The following CERK variants were observed in gnomAD, a reference collection of about 807,000 sequenced individuals.
CERK encodes acylsphingosine kinase.
In CERK, 39 loss-of-function variants were observed where a neutral mutation model predicts 63.4. The ratio of observed to expected loss-of-function variants is 0.61; its 90% confidence interval spans 0.48 to 0.80. The LOEUF (loss-of-function observed/expected upper bound fraction) is 0.80, where lower values mean the gene tolerates loss of function less well. CERK is among the 30% of genes least tolerant of loss of function. The pLI is 0.00. For synonymous variants in CERK, 302 were observed against 280.0 expected, an observed-to-expected ratio of 1.08 and a Z score of -0.78; for missense variants, 670 against 714.1, an observed-to-expected ratio of 0.94 and a Z score of 0.70.
At chr22:46,709,694 AAAC>A (rs1326961173) in intron 5 of CERK, among the ~76,000 whole-genome samples, 1 of 152,244 alleles carries the variant, frequency 6.6e-6, no homozygotes, top group Non-Finnish European at 1.5e-5. Flanking sequence ...AGAGAGAAGA[AAAC>A]AAAAAGCCAA....
intron 3 of CERK, among the ~76,000 whole-genome samples, chr22:46,717,301 G>A (rs2082871204): frequency 6.6e-6 from 1 of 152,194 alleles, no homozygotes; most frequent in Non-Finnish European, 1.5e-5. Flanking sequence ...GAGAAATGCA[G>A]ACGGGTGCAA....
At chr22:46,715,305 G>C (rs187010516) in intron 3 of CERK, among the ~76,000 whole-genome samples, 21 of 152,204 alleles carry the variant, frequency 1.4e-4, no homozygotes, top group Admixed American at 1.3e-3. Flanking sequence ...AAACACAACT[G>C]TTATTATGCA....
rs527824673 is a variant in CERK, at chr22:46,701,505, G to A, written c.790+131C>T. 57 of 718,326 alleles carry A rather than the reference G, an allele frequency of 7.9e-5. No homozygotes were observed. In the African/African-American group the frequency reaches 8.5e-4, roughly 11 times the overall value. 44.5% of individuals were successfully genotyped at this position (718,326 alleles called of 1,614,324 possible). ...ATCACAGCGCAGCGAGCAGAGCAGG[G>A]GACACAGCGTGACCCACGGCCAGGA... is the stretch of plus-strand genomic sequence containing the variant. On this transcript the variant is annotated intron_variant, in intron 7 of 12. Transcript: ENST00000216264.
chr22:46,720,067 A>C lies in CERK; in HGVS notation c.379+19T>G. On this transcript the variant is annotated intron_variant, in intron 3 of 12. Coordinates refer to ENST00000216264, the MANE Select transcript of CERK (RefSeq NM_022766.6). ...TGCCACCACGGCCATCCTGTCTCTC[A>C]GTCCAAACACACACGTACTCAGCTT... is the stretch of plus-strand genomic sequence containing the variant. The C allele has an allele frequency of 6.2e-7, 1 of 1,609,326 alleles. No individual in the cohort carries two copies. Among genetic ancestry groups the C allele is most frequent in the Non-Finnish European group, 8.5e-7 (1 of 1,177,256 alleles).
At chr22:46,729,675 T>C (rs965303961) in intron 1 of CERK, among the ~76,000 whole-genome samples, 9 of 151,974 alleles carry the variant, frequency 5.9e-5, no homozygotes, top group African/African-American at 2.2e-4. Flanking sequence ...ATGTTAACGT[T>C]CTCAAGGGAA....
chr22:46,702,725 G>A (rs2082793555), intron 6 of CERK, among the ~76,000 whole-genome samples: 1 of 152,238 alleles, frequency 6.6e-6, no homozygotes, highest in African/African-American at 2.4e-5. Context: ...GGGGCCGGCT[G>A]CGGCTTATGC....
chr22:46,731,353 C>G (rs533142967), intron 1 of CERK, among the ~76,000 whole-genome samples: 1 of 152,342 alleles, frequency 6.6e-6, no homozygotes, highest in South Asian at 2.1e-4. Flanking sequence ...CCTCCACCCC[C>G]CGCCAAGGTG....
At chr22:46,709,458 G>A (rs753936383) in intron 5 of CERK, among the ~76,000 whole-genome samples, 4 of 152,178 alleles carry the variant, frequency 2.6e-5, no homozygotes, top group Non-Finnish European at 1.5e-5. Flanking sequence ...GGAGCCCCCT[G>A]CTTCCTGGAG....
Position 46,687,244 on chromosome 22 carries a change from C to G in CERK, c.1542-38G>C. Reference sequence around the variant, plus strand: ...GCGGCCACGTGTAAACCCCACGTGTCCCTCACTCAAAGCTGGCCTGAGCCC... The same window carrying G: ...GCGGCCACGTGTAAACCCCACGTGTGCCTCACTCAAAGCTGGCCTGAGCCC... On this transcript the variant is annotated intron_variant, in intron 12 of 12. Coordinates refer to ENST00000216264, the MANE Select transcript of CERK (RefSeq NM_022766.6). The G allele has an allele frequency of 1.9e-6, 3 of 1,575,518 alleles. No homozygotes were observed. In the South Asian group the frequency reaches 3.3e-5, roughly 17 times the overall value.
chr22:46,721,083 T>G lies in CERK; in HGVS notation c.143-68A>C, dbSNP rs999507470. 30 of 971,942 alleles carry G rather than the reference T, an allele frequency of 3.1e-5. No homozygotes were observed. The South Asian group carries it at 3.9e-4, about 13-fold the overall frequency. The allele number at this position is 971,942 out of a possible 1,614,324, so 60.2% of individuals were successfully genotyped here. A position where few individuals can be genotyped will look rare whatever the true frequency, so the allele number is the denominator to read the frequency against. ...TCCACACAGGTAAAATCAGTCCAAC[T>G]CCAAGAAGCTGAGAATATTCTGCTT... On this transcript the variant is annotated intron_variant, in intron 1 of 12. Transcript: ENST00000216264.
At chr22:46,689,158 T>A (rs887268762) in intron 12 of CERK, among the ~76,000 whole-genome samples, 9 of 152,280 alleles carry the variant, frequency 5.9e-5, no homozygotes, top group African/African-American at 2.2e-4. Context: ...CCTCCCCGCG[T>A]CCCCTAGGCT....
At position 46,687,050 on chromosome 22, in the gene CERK, T is replaced by A. The variant is rs1336544885; in HGVS notation, c.*84A>T. ...TCAAAAATAAATTTCTACATTTAAA[T>A]GTATATATCAACATAATTGGTCTGT... On this transcript the variant is annotated 3_prime_UTR_variant, in exon 13 of 13. Coordinates refer to ENST00000216264, the MANE Select transcript of CERK (RefSeq NM_022766.6). The A allele has an allele frequency of 1.9e-6, 2 of 1,039,160 alleles. No homozygotes were observed. The highest frequency in any genetic ancestry group is 2.9e-6 in the Non-Finnish European group (2 of 691,340). The allele number at this position is 1,039,160 out of a possible 1,614,324, so 64.4% of individuals were successfully genotyped here.
chr22:46,737,345 C>A (rs1013261905), intron 1 of CERK, among the ~76,000 whole-genome samples: 2 of 151,718 alleles, frequency 1.3e-5, no homozygotes, highest in African/African-American at 4.9e-5. Flanking sequence ...CAAAAACAAA[C>A]CCTCTGTCCT....
At chr22:46,687,343 CAG>C (rs1479077823) in intron 12 of CERK, 137 bp from the exon 13 acceptor site, 8 of 659,038 alleles carry the variant, frequency 1.2e-5, no homozygotes, top group East Asian at 5.6e-5. Context: ...CGCTCTTGGA[CAG>C]GGGCTGAAGT....
intron 3 of CERK, among the ~76,000 whole-genome samples, chr22:46,713,527 AAACAAACAAAC>A (rs2082853217): frequency 6.9e-6 from 1 of 145,558 alleles, no homozygotes; most frequent in East Asian, 2.1e-4. Context: ...AAAAAAAAAA[AAACAAACAAAC>A]AAAAAAACAC....
chr22:46,687,235 C>T (rs1412035264), intron 12 of CERK, 29 bp from the exon 13 acceptor site: 1 of 1,586,330 alleles, frequency 6.3e-7, no homozygotes, highest in East Asian at 2.2e-5. Flanking sequence ...ACGTGTAAAC[C>T]CCACGTGTCC....
Position 46,738,159 on chromosome 22 carries a change from G to C in CERK, c.-11C>G, listed in dbSNP as rs1268311653. 27 of 1,170,188 alleles carry C rather than the reference G, an allele frequency of 2.3e-5. No individual in the cohort carries two copies. The highest frequency in any genetic ancestry group is 4.5e-5 in the East Asian group (1 of 22,318). The allele number at this position is 1,170,188 out of a possible 1,614,324, so 72.5% of individuals were successfully genotyped here. A position where few individuals can be genotyped will look rare whatever the true frequency, so the allele number is the denominator to read the frequency against. ...CCCCGTCGCCCCCATCTCCGCCGCCGGGCTCGTCCGCCAGGCTGGGGGCGC... is the reference window on the plus strand; with the variant it reads ...CCCCGTCGCCCCCATCTCCGCCGCCCGGCTCGTCCGCCAGGCTGGGGGCGC... On this transcript the variant is annotated 5_prime_UTR_variant, in exon 1 of 13. Transcript: ENST00000216264.
intron 8 of CERK, among the ~76,000 whole-genome samples, chr22:46,696,756 G>A (rs1207743539): frequency 6.6e-6 from 1 of 152,214 alleles, no homozygotes; most frequent in African/African-American, 2.4e-5. Context: ...CAGAGACCCG[G>A]AAGGCGTCTC....
chr22:46,711,031 G>A lies in CERK; in HGVS notation c.569+55C>T, dbSNP rs2082838169. On this transcript the variant is annotated intron_variant, in intron 5 of 12. Transcript: ENST00000216264. ...AGGAGCTCTCAAAACTGAGAGGTGG[G>A]TAGAACTTTTTCATTAACAATGGAC... 2.1e-6 allele frequency: 3 copies of A among 1,443,788 alleles called. No homozygotes were observed. In the South Asian group the frequency reaches 3.5e-5, roughly 17 times the overall value. The allele number at this position is 1,443,788 out of a possible 1,614,324, so 89.4% of individuals were successfully genotyped here.
Sources: gnomAD v4.1 joint callset for allele counts (sites outside exome capture counted in the v4.1 genomes callset) on GRCh38, gnomAD v4.1.1 for gene constraint, MANE v1.5 for transcripts, NCBI Gene and HGNC (gene_info 2026-07-23, HGNC 2026-07-21) for gene names.